The following EPM2A variants were observed in gnomAD, a reference collection of about 807,000 sequenced individuals.
EPM2A encodes EPM2A glucan phosphatase, laforin, also known as laforin.
EPM2A carries 21 observed loss-of-function variants against 26.5 expected under a neutral mutation model. The observed-to-expected ratio is 0.79, with a 90% CI of 0.56 to 1.14. The LOEUF is 1.14. Among genes scored for constraint, EPM2A ranks in the 50% most tolerant of loss-of-function variants. EPM2A has a pLI of 0.00. For synonymous variants in EPM2A, 217 were observed against 177.6 expected (o/e 1.22, Z -1.76); for missense variants, 458 against 440.8 (o/e 1.04, Z -0.35).
At chr6:145,507,876 G>T (rs886938518) in intron 2 of EPM2A, among the ~76,000 whole-genome samples, 1 of 152,096 alleles carries the variant, frequency 6.6e-6, no homozygotes, top group East Asian at 1.9e-4. Context: ...TTTGTATTCT[G>T]GGACCAGTCT....
intron 4 of EPM2A, among the ~76,000 whole-genome samples, chr6:145,486,151 A>G (rs1779668205): frequency 6.6e-6 from 1 of 152,216 alleles, no homozygotes; most frequent in Admixed American, 6.5e-5. Flanking sequence ...AATACTTAAG[A>G]GTTCCAAATA....
intron 4 of EPM2A, among the ~76,000 whole-genome samples, chr6:145,456,241 A>T (rs1278850333): frequency 6.6e-6 from 1 of 152,248 alleles, no homozygotes; most frequent in Non-Finnish European, 1.5e-5. Context: ...AATAAAACAA[A>T]GTATAATAGA....
At chr6:145,500,705 C>T (rs189736437), downstream of EPM2A, among the ~76,000 whole-genome samples, 69 of 152,296 alleles carry the variant, frequency 4.5e-4, no homozygotes, top group Non-Finnish European at 4.7e-4. Flanking sequence ...TTCCCAGAGA[C>T]TCAGATTCTT....
intron 4 of EPM2A, among the ~76,000 whole-genome samples, chr6:145,434,748 C>T (rs1778966505): frequency 6.6e-6 from 1 of 152,154 alleles, no homozygotes; most frequent in Admixed American, 6.6e-5. Flanking sequence ...CCCAAAGAAA[C>T]TCCACAGTTA....
rs552258309 is a variant in EPM2A, at chr6:145,723,540, C to G, written c.301+11658G>C. On this transcript the variant is annotated intron_variant, in intron 1 of 3. Coordinates refer to ENST00000367519, the MANE Select transcript of EPM2A (RefSeq NM_005670.4). ...ATTTAAGAATATGCTGGACAAATAC[C>G]TGCCTGCAAAATTTTTTAAAATCAG... Among the ~76,000 whole-genome samples the G allele has an allele frequency of 2.6e-5, 4 of 152,174 alleles. No homozygotes were observed. In the South Asian group the frequency reaches 8.3e-4, roughly 32 times the overall value.
At chr6:145,657,216 A>G (rs1200868795) in intron 2 of EPM2A, among the ~76,000 whole-genome samples, 1 of 151,086 alleles carries the variant, frequency 6.6e-6, no homozygotes. Flanking sequence ...CAGCCTCCCG[A>G]GTAGCTGGGA....
At chr6:145,406,395 A>G (rs751580987) in intron 4 of EPM2A, among the ~76,000 whole-genome samples, 12 of 152,222 alleles carry the variant, frequency 7.9e-5, no homozygotes, top group Non-Finnish European at 1.3e-4. Flanking sequence ...GCAGTGCTTC[A>G]GAATAATGGC....
chr6:145,579,820 T>C (rs530513310), intron 2 of EPM2A, among the ~76,000 whole-genome samples: 1 of 152,276 alleles, frequency 6.6e-6, no homozygotes, highest in East Asian at 1.9e-4. Flanking sequence ...TTGCATTCTG[T>C]CTTCTCTTTG....
chr6:145,725,265 T>G (rs1562525445), intron 1 of EPM2A, among the ~76,000 whole-genome samples: 1 of 152,208 alleles, frequency 6.6e-6, no homozygotes, highest in East Asian at 1.9e-4. Flanking sequence ...CCTATTACAG[T>G]AGTTAAAATC....
intron 1 of EPM2A, among the ~76,000 whole-genome samples, chr6:145,695,356 CAAAG>C (rs1347741247): frequency 4.6e-5 from 7 of 151,782 alleles, no homozygotes; most frequent in African/African-American, 1.2e-4. Context: ...AATCAAACCA[CAAAG>C]AAAGACAACA....
intron 2 of EPM2A, among the ~76,000 whole-genome samples, chr6:145,587,746 TTGTC>T (rs1781217350): frequency 6.6e-6 from 1 of 152,218 alleles, no homozygotes; most frequent in African/African-American, 2.4e-5. Flanking sequence ...TTAACCTAAT[TTGTC>T]TATCTTTTCC....
At chr6:145,388,254 T>C (rs1778289464) in intron 4 of EPM2A, among the ~76,000 whole-genome samples, 1 of 152,150 alleles carries the variant, frequency 6.6e-6, no homozygotes, top group East Asian at 1.9e-4. Flanking sequence ...AGCTAAGTTC[T>C]CAAAACAACC....
At chr6:145,393,430 C>CT (rs1228432655) in intron 4 of EPM2A, among the ~76,000 whole-genome samples, 8 of 146,470 alleles carry the variant, frequency 5.5e-5, no homozygotes, top group Non-Finnish European at 9.0e-5. Flanking sequence ...GAAAATGTGG[C>CT]TCAAAAAAAA....
intron 2 of EPM2A, among the ~76,000 whole-genome samples, chr6:145,649,147 T>C: frequency 6.6e-6 from 1 of 152,200 alleles, no homozygotes; most frequent in East Asian, 1.9e-4. Flanking sequence ...GTTTCCCAGC[T>C]TTCACAGTAA....
At chr6:145,467,374 T>C (rs1209821735) in intron 4 of EPM2A, among the ~76,000 whole-genome samples, 1 of 152,124 alleles carries the variant, frequency 6.6e-6, no homozygotes, top group African/African-American at 2.4e-5. Flanking sequence ...GGGTAACATA[T>C]CACATTGCCT....
At chr6:145,581,415 C>T (rs2114836560) in intron 2 of EPM2A, among the ~76,000 whole-genome samples, 1 of 152,176 alleles carries the variant, frequency 6.6e-6, no homozygotes, top group South Asian at 2.1e-4. Context: ...AGATACATAG[C>T]TTGCAAATAT....
At chr6:145,481,439 G>T (rs1010224695) in intron 4 of EPM2A, among the ~76,000 whole-genome samples, 3 of 152,058 alleles carry the variant, frequency 2.0e-5, no homozygotes, top group African/African-American at 7.2e-5. Flanking sequence ...ATAGATTGTT[G>T]CTTCAGGGAA....
chr6:145,493,893 T>G (rs1341677492), intron 4 of EPM2A, among the ~76,000 whole-genome samples: 1 of 152,258 alleles, frequency 6.6e-6, no homozygotes, highest in Non-Finnish European at 1.5e-5. Flanking sequence ...TGCCAGTATT[T>G]TGTTGAAAAT....
intron 1 of EPM2A, among the ~76,000 whole-genome samples, chr6:145,720,554 C>A (rs1775900806): frequency 6.6e-6 from 1 of 152,056 alleles, no homozygotes; most frequent in South Asian, 2.1e-4. Flanking sequence ...AGTGTGACCC[C>A]CAAATATTGT....
Sources: allele counts gnomAD v4.1 joint callset (sites outside exome capture counted in the v4.1 genomes callset), GRCh38; gene constraint gnomAD v4.1.1; transcripts MANE v1.5; gene names NCBI Gene and HGNC (gene_info 2026-07-23, HGNC 2026-07-21).